ACSL1: variants seen among roughly 807,000 people sequenced by gnomAD.
ACSL1 encodes the protein long-chain-fatty-acid--CoA ligase 1.
A neutral mutation model predicts 98.4 loss-of-function variants in ACSL1; 41 were observed. That is an observed-to-expected ratio of 0.42 (90% CI 0.32 to 0.54). The LOEUF (loss-of-function observed/expected upper bound fraction) is 0.54. Among genes scored for constraint, ACSL1 ranks in the 20% least tolerant of loss-of-function variants. ACSL1 has a pLI of 0.13. For missense variants in ACSL1, 734 were observed against 883.1 expected (o/e 0.83, Z 2.14); for synonymous variants, 316 against 322.7 (o/e 0.98, Z 0.22).
chr4:184,773,233 G>A lies in ACSL1; in HGVS notation c.842-79C>T. 1 of 1,280,766 alleles carries A rather than the reference G, an allele frequency of 7.8e-7. No individual in the cohort carries two copies. Among genetic ancestry groups the A allele is most frequent in the Non-Finnish European group, 1.1e-6 (1 of 888,360 alleles). 79.3% of individuals were successfully genotyped at this position (1,280,766 alleles called of 1,614,324 possible). ...GGCCCAGAAACCTCACATAATTAGG[G>A]CTTCAGACACCTCTACTGTTAGATA... On this transcript the variant is annotated intron_variant, in intron 9 of 20. Transcript: ENST00000281455. This position sits in a 1 kb window ranked among gnomAD's most constrained non-coding sequence, Gnocchi z 4.3.
At chr4:184,759,102 T>G (rs1762525365) in intron 18 of ACSL1, among the ~76,000 whole-genome samples, 1 of 152,188 alleles carries the variant, frequency 6.6e-6, no homozygotes, top group African/African-American at 2.4e-5. Flanking sequence ...GGCTGCATAG[T>G]ATTCCATGGT....
chr4:184,792,036 A>G (rs1768464792), intron 2 of ACSL1, among the ~76,000 whole-genome samples: 1 of 152,162 alleles, frequency 6.6e-6, no homozygotes, highest in African/African-American at 2.4e-5. Flanking sequence ...TTAGCTAAAT[A>G]ATTTTTTAGT....
At chr4:184,795,651 T>A (rs1216984261) in intron 2 of ACSL1, among the ~76,000 whole-genome samples, 1 of 152,198 alleles carries the variant, frequency 6.6e-6, no homozygotes, top group Non-Finnish European at 1.5e-5. Flanking sequence ...CAACCACCAC[T>A]GCTCATTACC....
At chr4:184,778,343 T>C (rs1765642400) in intron 5 of ACSL1, among the ~76,000 whole-genome samples, 1 of 152,244 alleles carries the variant, frequency 6.6e-6, no homozygotes, top group African/African-American at 2.4e-5. Flanking sequence ...TTTCGGTTTT[T>C]TCCCAGAAGG....
intron 1 of ACSL1, among the ~76,000 whole-genome samples, chr4:184,815,491 G>GC (rs1019796516): frequency 4.0e-5 from 6 of 149,726 alleles, no homozygotes; most frequent in South Asian, 2.1e-4. Context: ...CCCAGGCCTG[G>GC]GGGGGGAAAC....
intron 17 of ACSL1, among the ~76,000 whole-genome samples, chr4:184,761,085 A>G (rs895652103): frequency 1.3e-5 from 2 of 152,088 alleles, no homozygotes; most frequent in Non-Finnish European, 2.9e-5. Flanking sequence ...CCCTAGTCCC[A>G]CTTTTACCCC....
At chr4:184,802,016 G>A (rs561242130) in intron 2 of ACSL1, among the ~76,000 whole-genome samples, 1 of 152,334 alleles carries the variant, frequency 6.6e-6, no homozygotes, top group South Asian at 2.1e-4. Context: ...TCTGCCAGTA[G>A]AGAAGGAATG....
intron 11 of ACSL1, among the ~76,000 whole-genome samples, chr4:184,769,029 A>C (rs1207350637): frequency 1.3e-5 from 2 of 151,348 alleles, no homozygotes; most frequent in Non-Finnish European, 2.9e-5. Flanking sequence ...AGATTGTGCC[A>C]CTGCTCTCCA....
chr4:184,768,537 G>A, intron 11 of ACSL1, 87 bp from the exon 12 acceptor site: 1 of 1,508,046 alleles, frequency 6.6e-7, no homozygotes, highest in Non-Finnish European at 8.8e-7. Context: ...TTCAGTTTTA[G>A]CATTTCAGGC....
intron 1 of ACSL1, among the ~76,000 whole-genome samples, chr4:184,819,687 A>T (rs1772910975): frequency 6.6e-6 from 1 of 152,028 alleles, no homozygotes; most frequent in Non-Finnish European, 1.5e-5. Flanking sequence ...TGGAGATAGC[A>T]GGTAGGAAGC....
intron 12 of ACSL1, 65 bp downstream of exon 12, chr4:184,768,251 T>C: frequency 1.3e-6 from 2 of 1,539,366 alleles, no homozygotes; most frequent in Non-Finnish European, 1.7e-6. Context: ...CACAGCCCAA[T>C]TCAAGCCCAA....
chr4:184,802,004 G>A (rs1449185276), intron 2 of ACSL1, among the ~76,000 whole-genome samples: 2 of 152,214 alleles, frequency 1.3e-5, no homozygotes, highest in African/African-American at 4.8e-5. Flanking sequence ...CACATCAGGT[G>A]CTCTGCCAGT....
chr4:184,769,070 AATATATAT>A (rs34360556), intron 11 of ACSL1, among the ~76,000 whole-genome samples: 75 of 147,450 alleles, frequency 5.1e-4, no homozygotes, highest in Non-Finnish European at 4.8e-4. Context: ...CTCTGTCTCA[AATATATAT>A]ATATATATAT....
At chr4:184,786,024 G>C (rs976601621) in intron 3 of ACSL1, among the ~76,000 whole-genome samples, 4 of 152,148 alleles carry the variant, frequency 2.6e-5, no homozygotes, top group African/African-American at 9.7e-5. Flanking sequence ...GTGTGAGTGT[G>C]AGTGGGTGTG....
In ACSL1 at chr4:184,766,034, G is replaced by C. The variant is rs199853926; in HGVS notation, c.1264-48C>G. 28 of 1,588,332 alleles carry C rather than the reference G, an allele frequency of 1.8e-5. No individual in the cohort carries two copies. In the African/African-American group the frequency reaches 3.8e-4, roughly 21 times the overall value. On this transcript the variant is annotated intron_variant, in intron 13 of 20. Coordinates refer to ENST00000281455, the MANE Select transcript of ACSL1 (RefSeq NM_001995.5). This position sits in a 1 kb window ranked among gnomAD's most constrained non-coding sequence, Gnocchi z 4.8. ...GAAGGTGAGGGTTACACACCTGGAA[G>C]TCGGCGGCCTCTCCGCCAAGGGGGC... is the stretch of plus-strand genomic sequence containing the variant.
intron 1 of ACSL1, among the ~76,000 whole-genome samples, chr4:184,817,968 A>T (rs1772768891): frequency 6.6e-6 from 1 of 152,202 alleles, no homozygotes; most frequent in African/African-American, 2.4e-5. Flanking sequence ...TGGCATCGGC[A>T]GAGTTTGCCT....
At chr4:184,800,563 C>T (rs1770316293) in intron 2 of ACSL1, among the ~76,000 whole-genome samples, 1 of 152,100 alleles carries the variant, frequency 6.6e-6, no homozygotes, top group Non-Finnish European at 1.5e-5. Context: ...GAAAGCAAAC[C>T]CACAAAATCT....
Position 184,803,102 on chromosome 4 carries a change from G to C in ACSL1, c.195+218C>G, listed in dbSNP as rs183983714. 6.6e-6 allele frequency among the ~76,000 whole-genome samples: 1 copy of C among 152,170 alleles called. No homozygotes were observed. The highest frequency in any genetic ancestry group is 6.5e-5 in the Admixed American group (1 of 15,282). Reference sequence around the variant, plus strand: ...TTTCTAGAATGATCTTCCATGTGACGAGAGGTAGACACCCAACCGACACCC... The same window carrying C: ...TTTCTAGAATGATCTTCCATGTGACCAGAGGTAGACACCCAACCGACACCC... On this transcript the variant is annotated intron_variant, in intron 2 of 20. Transcript: ENST00000281455. This position sits in a 1 kb window ranked among gnomAD's most constrained non-coding sequence, Gnocchi z 4.8.
At position 184,773,789 on chromosome 4, in the gene ACSL1, T is replaced by C; in HGVS notation, c.789+54A>G. The C allele has an allele frequency of 2.5e-6, 4 of 1,613,246 alleles. No individual in the cohort carries two copies. The Admixed American group carries it at 5.0e-5, about 20-fold the overall frequency. ...AACTATAAGCCACAAGGTACCAGGC[T>C]AGATATTGAAAACTACAAAGAGGAC... On this transcript the variant is annotated intron_variant, in intron 8 of 20. Transcript: ENST00000281455. The surrounding 1 kb of genome is among the most constrained non-coding windows in gnomAD (Gnocchi z 4.3).
Sources: allele counts gnomAD v4.1 joint callset (sites outside exome capture counted in the v4.1 genomes callset), GRCh38; gene constraint gnomAD v4.1.1; non-coding constraint Gnocchi (gnomAD v3.1); transcripts MANE v1.5; gene names NCBI Gene and HGNC (gene_info 2026-07-23, HGNC 2026-07-21).